The following PPP2R2B variants were observed in gnomAD, a reference collection of about 807,000 sequenced individuals.
PPP2R2B encodes protein phosphatase 2 regulatory subunit Bbeta.
PPP2R2B carries 5 observed loss-of-function variants against 46.0 expected under a neutral mutation model. The ratio of observed to expected loss-of-function variants is 0.11; its 90% CI spans 0.06 to 0.23. The LOEUF is 0.23. Among genes scored for constraint, PPP2R2B ranks in the 10% least tolerant of loss-of-function variants. The pLI is 1.00. For synonymous variants in PPP2R2B, 215 were observed against 206.7 expected, an observed-to-expected ratio of 1.04 and a Z score of -0.34; for missense variants, 367 against 575.0, an observed-to-expected ratio of 0.64 and a Z score of 3.70.
At chr5:147,034,906 G>A (rs2054528) in intron 1 of PPP2R2B, among the ~76,000 whole-genome samples, 106,720 of 151,862 alleles carry the variant, frequency 0.7, 38,159 homozygotes, top group South Asian at 0.78. Context: ...GATAACTGAT[G>A]ACTGAAACTT....
intron 1 of PPP2R2B, among the ~76,000 whole-genome samples, chr5:147,043,148 G>A (rs543654455): frequency 2.0e-5 from 3 of 152,128 alleles, no homozygotes; most frequent in South Asian, 4.1e-4. Context: ...CCCTGTTCCT[G>A]GCTGAACTCC....
upstream of PPP2R2B, among the ~76,000 whole-genome samples, chr5:146,883,673 G>A (rs981507957): frequency 6.6e-6 from 1 of 152,154 alleles, no homozygotes; most frequent in Non-Finnish European, 1.5e-5. Flanking sequence ...CTCTCTCTAA[G>A]GTGGTTTACG....
intron 1 of PPP2R2B, among the ~76,000 whole-genome samples, chr5:147,010,934 A>G (rs1754697453): frequency 6.6e-6 from 1 of 152,130 alleles, no homozygotes; most frequent in South Asian, 2.1e-4. Context: ...TTCTTCACAC[A>G]GAAGCCGGGG....
chr5:146,677,419 G>A (rs79499595), intron 5 of PPP2R2B, among the ~76,000 whole-genome samples: 1,760 of 152,154 alleles, frequency 0.012, 33 homozygotes, highest in African/African-American at 0.04. Context: ...AGTACATGCC[G>A]TCACCATTTT....
chr5:146,873,264 T>C (rs139226903), intron 2 of PPP2R2B, among the ~76,000 whole-genome samples: 2 of 152,220 alleles, frequency 1.3e-5, no homozygotes, highest in East Asian at 1.9e-4. Context: ...TCTAATTCTC[T>C]CCATCTCTAC....
chr5:146,812,444 G>A (rs1247955109), intron 2 of PPP2R2B, among the ~76,000 whole-genome samples: 1 of 121,462 alleles, frequency 8.2e-6, no homozygotes, highest in African/African-American at 3.1e-5. Context: ...ACTTTCCCAG[G>A]CCTCTTCTGA....
chr5:146,955,990 G>T (rs1167585862), intron 1 of PPP2R2B, among the ~76,000 whole-genome samples: 1 of 151,700 alleles, frequency 6.6e-6, no homozygotes. Flanking sequence ...CGTTGGTCAG[G>T]CTGGTCTCGA....
chr5:146,829,833 T>G lies in PPP2R2B; in HGVS notation c.70+48169A>C, dbSNP rs530740491. ...TAAGTAAAAAACAGGCCTAAAATTT[T>G]GATAATCTATTTTCATTGCAGGCAA... On this transcript the variant is annotated intron_variant, in intron 2 of 9. Coordinates refer to ENST00000394411, the MANE Select transcript of PPP2R2B (RefSeq NM_181675.4). Among the ~76,000 whole-genome samples, 8 of 152,302 alleles carry G rather than the reference T, an allele frequency of 5.3e-5. No individual in the cohort carries two copies. In the South Asian group the frequency reaches 1.5e-3, roughly 28 times the overall value.
chr5:146,687,521 T>C (rs953148575), intron 5 of PPP2R2B, among the ~76,000 whole-genome samples: 6 of 152,194 alleles, frequency 3.9e-5, no homozygotes, highest in Non-Finnish European at 7.3e-5. Flanking sequence ...ACCTGCTAAA[T>C]ACCTGTCCTG....
intron 1 of PPP2R2B, among the ~76,000 whole-genome samples, chr5:146,984,901 C>A (rs1753350047): frequency 6.6e-6 from 1 of 151,932 alleles, no homozygotes; most frequent in African/African-American, 2.4e-5. Context: ...ATTCAGGTCC[C>A]TTGCTCCTTG....
At chr5:146,972,576 G>A (rs191404714) in intron 1 of PPP2R2B, among the ~76,000 whole-genome samples, 1 of 152,082 alleles carries the variant, frequency 6.6e-6, no homozygotes, top group Non-Finnish European at 1.5e-5. Context: ...GCTGGGCATG[G>A]TGGTGGGTGC....
At position 146,742,791 on chromosome 5, in the gene PPP2R2B, T is replaced by A. The variant is rs533729875; in HGVS notation, c.71-41649A>T. Reference sequence around the variant, plus strand: ...GTCATTAGGGTGGGTCCTAATTCAATATGACTAGTGTCCTTATAAAAAGGG... The same window carrying A: ...GTCATTAGGGTGGGTCCTAATTCAAAATGACTAGTGTCCTTATAAAAAGGG... On this transcript the variant is annotated intron_variant, in intron 2 of 9. Transcript: ENST00000394411. Among the ~76,000 whole-genome samples the A allele has an allele frequency of 2.0e-5, 3 of 152,252 alleles. No individual in the cohort carries two copies. The South Asian group carries it at 6.2e-4, about 32-fold the overall frequency.
intron 2 of PPP2R2B, chr5:147,080,938 G>T: frequency 3.5e-6 from 3 of 864,182 alleles, no homozygotes; most frequent in Non-Finnish European, 5.2e-6. Flanking sequence ...TTCTAGCCTA[G>T]AATGCAATTT....
intron 1 of PPP2R2B, among the ~76,000 whole-genome samples, chr5:146,941,368 A>G (rs1291611126): frequency 6.6e-6 from 1 of 152,204 alleles, no homozygotes; most frequent in East Asian, 1.9e-4. Flanking sequence ...GGTTGAGGGA[A>G]AACATGAAAA....
chr5:146,635,226 A>G (rs971117481), intron 7 of PPP2R2B, among the ~76,000 whole-genome samples: 1 of 151,952 alleles, frequency 6.6e-6, no homozygotes, highest in African/African-American at 2.4e-5. Flanking sequence ...ACTGAGTATC[A>G]GAGCTGAGTT....
At chr5:146,754,632 G>T (rs954068689) in intron 2 of PPP2R2B, among the ~76,000 whole-genome samples, 2 of 152,170 alleles carry the variant, frequency 1.3e-5, no homozygotes, top group Non-Finnish European at 2.9e-5. Flanking sequence ...CCACTTCCAA[G>T]ACTAGGTAAT....
At chr5:146,751,516 C>G (rs1582021542) in intron 2 of PPP2R2B, 1 of 152,220 alleles carries the variant, frequency 6.6e-6, no homozygotes, top group Non-Finnish European at 1.5e-5. Context: ...CATATCATGA[C>G]TCAAGGCCTT....
chr5:146,821,564 T>C (rs1393301727), intron 2 of PPP2R2B, among the ~76,000 whole-genome samples: 1 of 152,198 alleles, frequency 6.6e-6, no homozygotes, highest in Non-Finnish European at 1.5e-5. Context: ...AGCACAGGCT[T>C]TGGGGGCAAA....
intron 1 of PPP2R2B, among the ~76,000 whole-genome samples, chr5:147,006,993 G>A (rs1048637201): frequency 7.9e-5 from 12 of 152,110 alleles, no homozygotes; most frequent in Non-Finnish European, 2.9e-5. Flanking sequence ...CAGCCATCTT[G>A]CTATTACTTG....
Sources: gnomAD v4.1 joint callset for allele counts (sites outside exome capture counted in the v4.1 genomes callset) on GRCh38, gnomAD v4.1.1 for gene constraint, MANE v1.5 for transcripts, NCBI Gene and HGNC (gene_info 2026-07-23, HGNC 2026-07-21) for gene names.